Variants in WIZ observed in about 807,000 individuals in gnomAD.
The protein encoded by WIZ is protein Wiz.
A neutral mutation model predicts 140.2 loss-of-function variants in WIZ; 25 were observed. The ratio of observed to expected loss-of-function variants is 0.18; its 90% confidence interval spans 0.13 to 0.25. The LOEUF (loss-of-function observed/expected upper bound fraction) is 0.25, where lower values mean the gene tolerates loss of function less well. WIZ is among the 10% of genes least tolerant of loss of function. The pLI, the probability that WIZ is intolerant of heterozygous loss-of-function variation, is 1.00. For missense variants in WIZ, 2,231 were observed against 2,632.6 expected (o/e 0.85, Z 3.34); for synonymous variants, 1,125 against 1,154.3 (o/e 0.97, Z 0.51).
chr19:15,444,898 G>A (rs1012094485), intron 2 of WIZ, among the ~76,000 whole-genome samples: 6 of 152,332 alleles, frequency 3.9e-5, no homozygotes, highest in East Asian at 3.9e-4. Context: ...ATGATTCTGC[G>A]ATTGCTGTTG....
In WIZ at chr19:15,438,774, C is replaced by T. The variant is rs1261961763; in HGVS notation, c.2220G>A (p.Pro740=). ...LGLDTLLDGD[P]AMALKHEERK... ...GCTCCTCGTGCTTCAGTGCCATGGC[C>T]GGATCCCCATCCAGGAGTGTGTCCA... Residue 740 remains proline (P), a synonymous_variant, in exon 4 of 13, where the codon CCG becomes CCA. Coordinates refer to ENST00000673675, the MANE Select transcript of WIZ (RefSeq NM_001371589.1). 15 of 1,534,132 alleles carry T rather than the reference C, an allele frequency of 9.8e-6. No homozygotes were observed. Among genetic ancestry groups the T allele is most frequent in the South Asian group, 7.1e-5 (6 of 83,994 alleles).
At chr19:15,438,097 CTGT>C (rs1487751845) in intron 4 of WIZ, among the ~76,000 whole-genome samples, 2 of 152,222 alleles carry the variant, frequency 1.3e-5, no homozygotes, top group Admixed American at 1.3e-4. Flanking sequence ...CAGGGTGCTC[CTGT>C]TGGAAACAGA....
In WIZ at chr19:15,428,207, C is replaced by T. The variant is rs1172917548; in HGVS notation, c.3717G>A (p.Ala1239=). ...GCTTCCCCCAGGGGCTGGCCATACC[C>T]GCGGCCTTCAGCTTGGCCTTCTTGG... The part of the protein sequence containing the change: ...PPAKKAKLKA[A]GMASPWGKQD... Residue 1239 remains alanine (A), a synonymous_variant, in exon 8 of 13, where the codon GCG becomes GCA. Coordinates refer to ENST00000673675, the MANE Select transcript of WIZ (RefSeq NM_001371589.1). The surrounding 1 kb of genome is among the most constrained non-coding windows in gnomAD (Gnocchi z 6.4). 8 of 1,533,854 alleles carry T rather than the reference C, an allele frequency of 5.2e-6. No homozygotes were observed. The highest frequency in any genetic ancestry group is 2.4e-5 in the East Asian group (1 of 40,888).
At chr19:15,444,573 C>T (rs924066875) in intron 2 of WIZ, among the ~76,000 whole-genome samples, 10 of 152,058 alleles carry the variant, frequency 6.6e-5, no homozygotes, top group African/African-American at 1.7e-4. Context: ...GAGGGGGAGG[C>T]GAATCACCCC....
chr19:15,434,009 C>T (rs780764993), intron 5 of WIZ, among the ~76,000 whole-genome samples: 18 of 152,276 alleles, frequency 1.2e-4, no homozygotes, highest in Admixed American at 3.9e-4. Context: ...AATCCCAGCA[C>T]TTTGGGAGGC....
chr19:15,440,429 C>G lies in WIZ; in HGVS notation c.565G>C (p.Asp189His), dbSNP rs1389339114. 8 of 1,535,954 alleles carry G rather than the reference C, an allele frequency of 5.2e-6. No homozygotes were observed. Among genetic ancestry groups the G allele is most frequent in the African/African-American group, 1.4e-5 (1 of 73,036 alleles). ...TGGGGGGATCCCTGCTCGTCCTCAT[C>G]TTGGAGCCAGTCGAACCTGGGGCGG... Reference protein sequence around the residue: ...QGRPRFDWLQDEDEQGSPQDA... With the variant: ...QGRPRFDWLQHEDEQGSPQDA... Residue 189 changes from aspartate to histidine, a missense_variant, in exon 4 of 13, where the codon GAT becomes CAT. Transcript: ENST00000673675. This position sits in a 1 kb window ranked among gnomAD's most constrained non-coding sequence, Gnocchi z 6.2.
chr19:15,428,261 G>C lies in WIZ; in HGVS notation c.3663C>G (p.Ala1221=). ...GCGGTGGGGGGGGAAGCAAGGAGAG[G>C]GCCGCGGAGGTGGGAGGCGGCCGCC... is the stretch of plus-strand genomic sequence containing the variant. The part of the protein sequence containing the change: ...HPGRPPPTSA[A]LSLLPPPPPA... The change falls in exon 8 of 13, where the codon GCC becomes GCG. Residue 1221 remains alanine, a synonymous_variant. Transcript: ENST00000673675. This position sits in a 1 kb window ranked among gnomAD's most constrained non-coding sequence, Gnocchi z 6.4. The C allele has an allele frequency of 1.3e-6, 2 of 1,528,270 alleles. No homozygotes were observed. Among genetic ancestry groups the C allele is most frequent in the African/African-American group, 1.4e-5 (1 of 72,786 alleles). 94.7% of individuals were successfully genotyped at this position (1,528,270 alleles called of 1,614,324 possible).
chr19:15,449,872 CG>C lies in WIZ; in HGVS notation c.-136del. 1 of 149,688 alleles carries C rather than the reference CG, an allele frequency of 6.7e-6. No homozygotes were observed. The highest frequency in any genetic ancestry group is 1.8e-4 in the South Asian group (1 of 5,630). The allele number at this position is 149,688 out of a possible 1,614,324, so 9.3% of individuals were successfully genotyped here. ...TTGGTGCGGCCGTCGCTGCCGCTACCGCCGCTGCCGCTCCCGGTGCCGGTGC... is the reference window on the plus strand; with the variant it reads ...TTGGTGCGGCCGTCGCTGCCGCTACCCCGCTGCCGCTCCCGGTGCCGGTGC... On this transcript the variant is annotated 5_prime_UTR_variant, in exon 1 of 13. It removes the in-frame stop codon of an upstream open reading frame in the 5' UTR. Transcript: ENST00000673675.
Position 15,439,570 on chromosome 19 carries a change from C to A in WIZ, c.1424G>T (p.Ser475Ile). ...ACVFCGFPAP[S>I]ESLLREHVRL... The stretch of plus-strand genomic sequence containing the variant: ...CACGTGCTCCCTGAGCAGGCTCTCG[C>A]TGGGCGCGGGGAAACCACAGAAGAC... Residue 475 changes from serine (S) to isoleucine (I), a missense_variant, in exon 4 of 13, where the codon AGC (serine) becomes ATC (isoleucine). By Grantham distance (142) the Ser-to-Ile change is moderately radical. Coordinates refer to ENST00000673675, the MANE Select transcript of WIZ (RefSeq NM_001371589.1). The surrounding 1 kb of genome is among the most constrained non-coding windows in gnomAD (Gnocchi z 7.0). The A allele has an allele frequency of 6.7e-7, 1 of 1,494,214 alleles. No homozygotes were observed. Among genetic ancestry groups the A allele is most frequent in the Non-Finnish European group, 8.9e-7 (1 of 1,124,644 alleles). 92.6% of individuals were successfully genotyped at this position (1,494,214 alleles called of 1,614,324 possible).
chr19:15,422,909 G>T lies in WIZ; in HGVS notation c.*167C>A. On this transcript the variant is annotated 3_prime_UTR_variant, in exon 13 of 13. Coordinates refer to ENST00000673675, the MANE Select transcript of WIZ (RefSeq NM_001371589.1). Reference sequence around the variant, plus strand: ...CGGGCTGGGGGAAGGGCAGCTAGCTGGCTCCCGGCGCCCTGGCTGTAGTGT... The same window carrying T: ...CGGGCTGGGGGAAGGGCAGCTAGCTTGCTCCCGGCGCCCTGGCTGTAGTGT... The T allele has an allele frequency of 9.8e-7, 1 of 1,024,230 alleles. No homozygotes were observed. Among genetic ancestry groups the T allele is most frequent in the Non-Finnish European group, 1.4e-6 (1 of 727,908 alleles). 63.4% of individuals were successfully genotyped at this position (1,024,230 alleles called of 1,614,324 possible). A position where few individuals can be genotyped will look rare whatever the true frequency, so the allele number is the denominator to read the frequency against.
In WIZ at chr19:15,440,719, C is replaced by T. The variant is rs1471988577; in HGVS notation, c.279-4G>A. ...CAGGCTGCCTCCATCCCAGCAGCTGCAAGGAAGTGCCAATGGGGACAGGTT... is the reference window on the plus strand; with the variant it reads ...CAGGCTGCCTCCATCCCAGCAGCTGTAAGGAAGTGCCAATGGGGACAGGTT... On this transcript the variant is annotated splice_polypyrimidine_tract_variant and splice_region_variant and intron_variant, in intron 3 of 12. Coordinates refer to ENST00000673675, the MANE Select transcript of WIZ (RefSeq NM_001371589.1). The surrounding 1 kb of genome is among the most constrained non-coding windows in gnomAD (Gnocchi z 6.2). 2 of 1,480,048 alleles carry T rather than the reference C, an allele frequency of 1.4e-6. No individual in the cohort carries two copies. The highest frequency in any genetic ancestry group is 1.8e-6 in the Non-Finnish European group (2 of 1,117,190). 91.7% of individuals were successfully genotyped at this position (1,480,048 alleles called of 1,614,324 possible). A position where few individuals can be genotyped will look rare whatever the true frequency, so the allele number is the denominator to read the frequency against.
rs937029528 is a variant in WIZ, at chr19:15,442,339, T to C, written c.278+337A>G. Among the ~76,000 whole-genome samples the C allele has an allele frequency of 1.3e-5, 2 of 152,162 alleles. No homozygotes were observed. Among genetic ancestry groups the C allele is most frequent in the African/African-American group, 2.4e-5 (1 of 41,424 alleles). ...CATGAGATGCATCTTATGGACTCCATTTTGCAGATGAGAAAACTGAGGCCC... is the reference window on the plus strand; with the variant it reads ...CATGAGATGCATCTTATGGACTCCACTTTGCAGATGAGAAAACTGAGGCCC... On this transcript the variant is annotated intron_variant, in intron 3 of 12. Coordinates refer to ENST00000673675, the MANE Select transcript of WIZ (RefSeq NM_001371589.1). This position sits in a 1 kb window ranked among gnomAD's most constrained non-coding sequence, Gnocchi z 5.5.
Position 15,440,969 on chromosome 19 carries a change from AT to A in WIZ, c.279-255del, listed in dbSNP as rs1358607483. Among the ~76,000 whole-genome samples, 2 of 152,086 alleles carry A rather than the reference AT, an allele frequency of 1.3e-5. No individual in the cohort carries two copies. Among genetic ancestry groups the A allele is most frequent in the Non-Finnish European group, 2.9e-5 (2 of 68,000 alleles). On this transcript the variant is annotated intron_variant, in intron 3 of 12. Coordinates refer to ENST00000673675, the MANE Select transcript of WIZ (RefSeq NM_001371589.1). This position sits in a 1 kb window ranked among gnomAD's most constrained non-coding sequence, Gnocchi z 6.2. ...CCTAGCCCCGCTGCATTGTGGGGGAATGTACGGAGACCACCCCTGGGCCACA... is the reference window on the plus strand; with the variant it reads ...CCTAGCCCCGCTGCATTGTGGGGGAAGTACGGAGACCACCCCTGGGCCACA...
intron 2 of WIZ, among the ~76,000 whole-genome samples, chr19:15,447,603 G>C (rs1245263356): frequency 6.6e-6 from 1 of 152,222 alleles, no homozygotes; most frequent in Admixed American, 6.5e-5. Context: ...GGTGGGGAGA[G>C]TGTGAGATAC....
Position 15,439,904 on chromosome 19 carries a change from G to A in WIZ, c.1090C>T (p.Pro364Ser). The A allele has an allele frequency of 6.5e-7, 1 of 1,527,994 alleles. No individual in the cohort carries two copies. The highest frequency in any genetic ancestry group is 8.8e-7 in the Non-Finnish European group (1 of 1,142,292). The allele number at this position is 1,527,994 out of a possible 1,614,324, so 94.7% of individuals were successfully genotyped here. Residue 364 changes from proline to serine, a missense_variant, in exon 4 of 13, where the codon CCC becomes TCC. Coordinates refer to ENST00000673675, the MANE Select transcript of WIZ (RefSeq NM_001371589.1). This position sits in a 1 kb window ranked among gnomAD's most constrained non-coding sequence, Gnocchi z 7.0. ...CGECGWAFAD[P>S]TALEQHRQLH... is the part of the protein sequence containing the mutation. ...TGCCGGTGCTGCTCCAGGGCAGTGG[G>A]GTCAGCAAAGGCCCAGCCACACTCC...
chr19:15,427,740 G>A lies in WIZ; in HGVS notation c.3815-207C>T, dbSNP rs893996509. 1.3e-5 allele frequency among the ~76,000 whole-genome samples: 2 copies of A among 152,140 alleles called. No homozygotes were observed. The highest frequency in any genetic ancestry group is 4.8e-5 in the African/African-American group (2 of 41,424). On this transcript the variant is annotated intron_variant, in intron 8 of 12. Transcript: ENST00000673675. The surrounding 1 kb of genome is among the most constrained non-coding windows in gnomAD (Gnocchi z 6.4). The stretch of plus-strand genomic sequence containing the variant: ...AGGGGAGGCTCCAGAGAGCACATGG[G>A]CCCTCAGTCCTGGCGGAGGAGGATG...
chr19:15,423,384 C>T (rs1968498541), intron 12 of WIZ, 149 bp from the exon 13 acceptor site: 6 of 967,596 alleles, frequency 6.2e-6, no homozygotes, highest in South Asian at 3.4e-5. Context: ...AGAAGTCAGG[C>T]GTTTCCCATG....
At position 15,424,169 on chromosome 19, in the gene WIZ, C is replaced by T; in HGVS notation, c.5510+14G>A. The T allele has an allele frequency of 6.7e-7, 1 of 1,497,904 alleles. No homozygotes were observed. The highest frequency in any genetic ancestry group is 8.9e-7 in the Non-Finnish European group (1 of 1,124,680). The allele number at this position is 1,497,904 out of a possible 1,614,324, so 92.8% of individuals were successfully genotyped here. A position where few individuals can be genotyped will look rare whatever the true frequency, so the allele number is the denominator to read the frequency against. ...ACTCAGGTGGTCTCCCTCCCTCCCC[C>T]AGGGGCAGCCTACCTGCATTTGAGG... is the stretch of plus-strand genomic sequence containing the variant. On this transcript the variant is annotated intron_variant, in intron 12 of 12. Transcript: ENST00000673675. This position sits in a 1 kb window ranked among gnomAD's most constrained non-coding sequence, Gnocchi z 9.7.
chr19:15,447,181 G>T (rs1969948588), intron 2 of WIZ, among the ~76,000 whole-genome samples: 1 of 152,126 alleles, frequency 6.6e-6, no homozygotes, highest in Non-Finnish European at 1.5e-5. Flanking sequence ...GGGGGTGGGG[G>T]GTGTGATACA....
Sources: allele counts gnomAD v4.1 joint callset (sites outside exome capture counted in the v4.1 genomes callset), GRCh38; gene constraint gnomAD v4.1.1; non-coding constraint Gnocchi (gnomAD v3.1); transcripts MANE v1.5; gene names NCBI Gene and HGNC (gene_info 2026-07-23, HGNC 2026-07-21).